Variants in LRP1B observed in about 807,000 individuals in gnomAD.
LRP1B encodes the protein LDL receptor related protein 1B.
Under a neutral mutation model 556.6 loss-of-function variants are expected in LRP1B, and 217 were observed. The ratio of observed to expected loss-of-function variants is 0.39; its 90% CI spans 0.35 to 0.44. The LOEUF (loss-of-function observed/expected upper bound fraction) is 0.44. Among genes scored for constraint, LRP1B ranks in the 20% least tolerant of loss-of-function variants. The probability of loss-of-function intolerance (pLI) is 1.00; values close to 1 mark genes in which losing one functional copy is unlikely to be tolerated. For missense variants in LRP1B, 5,053 were observed against 5,620.8 expected (o/e 0.90, Z 3.23); for synonymous variants, 2,047 against 1,865.8 (o/e 1.10, Z -2.50).
intron 18 of LRP1B, among the ~76,000 whole-genome samples, chr2:140,971,773 G>A (rs1696433528): frequency 6.6e-6 from 1 of 152,212 alleles, no homozygotes; most frequent in South Asian, 2.1e-4. Flanking sequence ...GGTGGAGTTT[G>A]CAGTGAGCCG....
At chr2:141,156,024 C>T (rs1032720199) in intron 7 of LRP1B, among the ~76,000 whole-genome samples, 2 of 152,132 alleles carry the variant, frequency 1.3e-5, no homozygotes, top group Non-Finnish European at 1.5e-5. Context: ...GACATTCAAA[C>T]ACTCAACTAC....
intron 1 of LRP1B, among the ~76,000 whole-genome samples, chr2:141,948,160 G>A (rs1034562679): frequency 1.3e-5 from 2 of 152,016 alleles, no homozygotes; most frequent in African/African-American, 4.8e-5. Flanking sequence ...TTAGCTGGGT[G>A]TAGTGGCGCA....
chr2:140,812,010 T>A (rs1440816959), intron 32 of LRP1B, among the ~76,000 whole-genome samples: 5 of 152,006 alleles, frequency 3.3e-5, no homozygotes, highest in African/African-American at 1.2e-4. Flanking sequence ...AAAAACTATT[T>A]AAAAAAACCT....
intron 2 of LRP1B, among the ~76,000 whole-genome samples, chr2:141,593,434 A>AACATTTCTGATTTTCTTAAAT (rs1404176639): frequency 3.8e-5 from 1 of 26,598 alleles, no homozygotes; most frequent in Non-Finnish European, 1.7e-4. Flanking sequence ...TTTCTTAAGA[A>AACATTTCTGATTTTCTTAAAT]GGGGCCGGGC....
intron 1 of LRP1B, among the ~76,000 whole-genome samples, chr2:141,923,643 T>C (rs935298028): frequency 6.6e-6 from 1 of 151,404 alleles, no homozygotes; most frequent in Non-Finnish European, 1.5e-5. Flanking sequence ...TTAAGAGTAA[T>C]TACAGAATGT....
At chr2:141,578,686 A>G (rs1686849394) in intron 2 of LRP1B, among the ~76,000 whole-genome samples, 1 of 152,210 alleles carries the variant, frequency 6.6e-6, no homozygotes, top group Non-Finnish European at 1.5e-5. Context: ...ATTTACTTCA[A>G]TGCCCTGTTG....
rs539952793 is a variant in LRP1B, at chr2:140,323,356, CAACTCTTGGGAAG to C, written c.12514+524_12514+536del. On this transcript the variant is annotated intron_variant, in intron 81 of 90. Transcript: ENST00000389484. Reference sequence around the variant, plus strand: ...TATACAATAAATCAGAGAAAATATACAACTCTTGGGAAGAGTTCTTTTTGTATATATTTAAGAA... The same window carrying C: ...TATACAATAAATCAGAGAAAATATACAGTTCTTTTTGTATATATTTAAGAA... Among the ~76,000 whole-genome samples the C allele has an allele frequency of 2.5e-3, 381 of 151,844 alleles. 1 individual carries two copies. Among genetic ancestry groups the C allele is most frequent in the African/African-American group, 8.9e-3 (368 of 41,454 alleles).
At chr2:140,933,442 G>A (rs1695112847) in intron 20 of LRP1B, among the ~76,000 whole-genome samples, 1 of 151,980 alleles carries the variant, frequency 6.6e-6, no homozygotes, top group South Asian at 2.1e-4. Flanking sequence ...TTTGCTGAAT[G>A]CCTGAAATCC....
At chr2:142,088,196 A>T (rs549300524) in intron 1 of LRP1B, among the ~76,000 whole-genome samples, 2 of 152,154 alleles carry the variant, frequency 1.3e-5, no homozygotes, top group Non-Finnish European at 2.9e-5. Flanking sequence ...TGCATAAAGG[A>T]TATCAGTTAT....
chr2:141,274,916 T>C (rs932415965), intron 3 of LRP1B, among the ~76,000 whole-genome samples: 10 of 152,148 alleles, frequency 6.6e-5, no homozygotes, highest in African/African-American at 2.2e-4. Flanking sequence ...TTTGGACATA[T>C]AAGTCAACCA....
In LRP1B at chr2:141,162,023, T is replaced by G. The variant is rs1680058773; in HGVS notation, c.1013+26398A>C. On this transcript the variant is annotated intron_variant, in intron 7 of 90. Transcript: ENST00000389484. ...AGATGAAAGGGGTGTGAAGATTATA[T>G]GGAATTATATAGACTTACTTTGAAA... Among the ~76,000 whole-genome samples the G allele has an allele frequency of 4.6e-5, 7 of 152,196 alleles. No individual in the cohort carries two copies. The South Asian group carries it at 1.5e-3, about 32-fold the overall frequency.
intron 1 of LRP1B, among the ~76,000 whole-genome samples, chr2:142,024,885 A>AT: frequency 6.6e-6 from 1 of 152,196 alleles, no homozygotes; most frequent in African/African-American, 2.4e-5. Context: ...TTCAAAAACT[A>AT]TTTTTTGAGC....
chr2:140,766,846 A>AT (rs1384791427), intron 35 of LRP1B, among the ~76,000 whole-genome samples: 1 of 103,032 alleles, frequency 9.7e-6, no homozygotes, highest in African/African-American at 3.9e-5. Flanking sequence ...TATATATATT[A>AT]TATATATATA....
intron 33 of LRP1B, 35 bp from the exon 34 acceptor site, chr2:140,771,041 T>A (rs780808145): frequency 1.9e-5 from 28 of 1,507,644 alleles, no homozygotes; most frequent in Middle Eastern, 1.7e-4. Context: ...ATTTCTTTAA[T>A]GAAATTTTTA....
intron 2 of LRP1B, among the ~76,000 whole-genome samples, chr2:141,490,064 C>T (rs1683271644): frequency 6.6e-6 from 1 of 152,062 alleles, no homozygotes; most frequent in Non-Finnish European, 1.5e-5. Flanking sequence ...CCATCTCTGA[C>T]ATCTAATTTT....
intron 3 of LRP1B, among the ~76,000 whole-genome samples, chr2:141,367,185 T>C (rs990848129): frequency 6.6e-6 from 1 of 152,220 alleles, no homozygotes; most frequent in Non-Finnish European, 1.5e-5. Context: ...TCCTTATTTA[T>C]AGTTAACATT....
intron 50 of LRP1B, 150 bp downstream of exon 50, chr2:140,516,739 A>G: frequency 1.4e-6 from 1 of 733,946 alleles, no homozygotes; most frequent in Non-Finnish European, 2.1e-6. Flanking sequence ...TTTTAATTTT[A>G]ATCTTTACCA....
intron 1 of LRP1B, among the ~76,000 whole-genome samples, chr2:142,063,860 T>C (rs1312866493): frequency 1.3e-5 from 2 of 151,654 alleles, no homozygotes; most frequent in East Asian, 3.9e-4. Context: ...GATGTAAGGT[T>C]GAATCATGTC....
chr2:140,738,489 T>C (rs548070231), intron 35 of LRP1B, among the ~76,000 whole-genome samples: 1 of 152,166 alleles, frequency 6.6e-6, no homozygotes, highest in African/African-American at 2.4e-5. Context: ...GAATCTACCA[T>C]CTCATTCACA....
Sources: gnomAD v4.1 joint callset for allele counts (sites outside exome capture counted in the v4.1 genomes callset) on GRCh38, gnomAD v4.1.1 for gene constraint, MANE v1.5 for transcripts, NCBI Gene and HGNC (gene_info 2026-07-23, HGNC 2026-07-21) for gene names.